Variants in ZNF695 observed in about 807,000 individuals in gnomAD.
The protein encoded by ZNF695 is zinc finger protein SBZF3.
ZNF695 carries 11 observed loss-of-function variants against 11.2 expected under a neutral mutation model. The ratio of observed to expected loss-of-function variants is 0.98; its 90% CI spans 0.62 to 1.62. The LOEUF (loss-of-function observed/expected upper bound fraction) is 1.62, where lower values mean the gene tolerates loss of function less well. Ranked by LOEUF, ZNF695 falls within the 40% of genes most tolerant of loss-of-function variation. The pLI, the probability that ZNF695 is intolerant of heterozygous loss-of-function variation, is 0.00. For synonymous variants in ZNF695, 190 were observed against 201.4 expected (o/e 0.94, Z 0.48); for missense variants, 559 against 590.5 (o/e 0.95, Z 0.55).
intron 5 of ZNF695, among the ~76,000 whole-genome samples, chr1:246,953,191 G>A (rs912292252): frequency 3.9e-5 from 6 of 152,078 alleles, no homozygotes; most frequent in Non-Finnish European, 5.9e-5. Context: ...AGATTCCAAC[G>A]TATTTAAATA....
intron 1 of ZNF695, 38 bp downstream of exon 1, chr1:247,007,868 C>G: frequency 2.0e-6 from 3 of 1,538,382 alleles, no homozygotes; most frequent in Admixed American, 3.7e-5. Context: ...CCAACCACCC[C>G]CTCTCCCTTC....
At chr1:246,969,704 C>T (rs146387515) in intron 4 of ZNF695, 2 of 152,352 alleles carry the variant, frequency 1.3e-5, no homozygotes, top group East Asian at 3.9e-4. Flanking sequence ...ATTTAGTCAG[C>T]TCAGGGTTCT....
At chr1:246,976,119 G>T (rs1263143200) in intron 4 of ZNF695, among the ~76,000 whole-genome samples, 2 of 152,110 alleles carry the variant, frequency 1.3e-5, no homozygotes, top group South Asian at 2.1e-4. Context: ...GCAGGGACAA[G>T]AACTTTATTG....
chr1:246,992,533 A>G (rs986047865), intron 3 of ZNF695, among the ~76,000 whole-genome samples: 6 of 152,206 alleles, frequency 3.9e-5, no homozygotes, highest in Admixed American at 3.9e-4. Context: ...TCAGCTGGAC[A>G]TTTTAAAATA....
intron 5 of ZNF695, chr1:246,966,930 T>A: frequency 2.3e-6 from 1 of 432,298 alleles, no homozygotes; most frequent in South Asian, 1.6e-5. Context: ...TATTAAATGT[T>A]ACTTTTTTTG....
At chr1:246,980,054 C>G in intron 4 of ZNF695, 2 of 151,542 alleles carry the variant, frequency 1.3e-5, no homozygotes, top group Non-Finnish European at 2.9e-5. Context: ...TGGCGGGCGC[C>G]TGTAGTCCCA....
intron 1 of ZNF695, among the ~76,000 whole-genome samples, chr1:247,000,394 AC>A (rs1255439377): frequency 6.6e-6 from 1 of 152,108 alleles, no homozygotes. Flanking sequence ...AGTCCCAGCT[AC>A]TTGGGAGGCT....
At chr1:246,967,282 A>C (rs548447140) in intron 5 of ZNF695, 80 of 444,808 alleles carry the variant, frequency 1.8e-4, no homozygotes, top group South Asian at 9.0e-4. Flanking sequence ...AAGCCACTGG[A>C]TTGAGAATAG....
chr1:247,006,384 G>A (rs1020165059), intron 1 of ZNF695, among the ~76,000 whole-genome samples: 13 of 152,096 alleles, frequency 8.5e-5, no homozygotes, highest in Non-Finnish European at 1.8e-4. Context: ...AGGCTGAGGC[G>A]GGCGGATCAC....
Position 246,985,922 on chromosome 1 carries a change from T to G in ZNF695, c.*1045A>C, listed in dbSNP as rs144833663. 4.1e-6 allele frequency: 4 copies of G among 985,290 alleles called. No homozygotes were observed. The African/African-American group carries it at 7.0e-5, about 17-fold the overall frequency. The allele number at this position is 985,290 out of a possible 1,614,324, so 61.0% of individuals were successfully genotyped here. ...AATATAGAAGAAACTCTCACAGCTT[T>G]CATGTAGCAACAGTAGGCCTCATGC... On this transcript the variant is annotated 3_prime_UTR_variant, in exon 4 of 4. Transcript: ENST00000339986.
At chr1:246,998,369 G>C (rs1278123092) in intron 3 of ZNF695, among the ~76,000 whole-genome samples, 1 of 152,190 alleles carries the variant, frequency 6.6e-6, no homozygotes, top group Non-Finnish European at 1.5e-5. Context: ...GATATGAGTA[G>C]ATATATTAAA....
At chr1:246,973,257 C>T (rs1668474781) in intron 4 of ZNF695, among the ~76,000 whole-genome samples, 1 of 152,082 alleles carries the variant, frequency 6.6e-6, no homozygotes, top group Non-Finnish European at 1.5e-5. Context: ...CCATGTCAGT[C>T]AGGCTGGTCT....
intron 5 of ZNF695, among the ~76,000 whole-genome samples, chr1:246,949,353 G>A (rs1345757064): frequency 1.3e-5 from 2 of 151,968 alleles, no homozygotes; most frequent in African/African-American, 2.4e-5. Context: ...CACTTTGGGC[G>A]GCCGAGGCAG....
chr1:246,985,861 T>C lies in ZNF695; in HGVS notation c.*1106A>G. ...GAAGCTTACAATGCAATGTCCATAATCTTCCAAAGAAAAGGATATGAACAA... is the reference window on the plus strand; with the variant it reads ...GAAGCTTACAATGCAATGTCCATAACCTTCCAAAGAAAAGGATATGAACAA... On this transcript the variant is annotated 3_prime_UTR_variant, in exon 4 of 4. Transcript: ENST00000339986. 5.1e-6 allele frequency: 5 copies of C among 985,358 alleles called. No individual in the cohort carries two copies. Among genetic ancestry groups the C allele is most frequent in the Non-Finnish European group, 6.0e-6 (5 of 829,924 alleles). 61.0% of individuals were successfully genotyped at this position (985,358 alleles called of 1,614,324 possible).
Position 246,987,955 on chromosome 1 carries a change from T to C in ZNF695, c.560A>G (p.Lys187Arg), listed in dbSNP as rs200599470. The C allele has an allele frequency of 2.3e-4, 375 of 1,610,234 alleles. 1 individual carries two copies. The highest frequency in any genetic ancestry group is 3.3e-4 in the Middle Eastern group (2 of 6,062). ...SHTGEKPFKC[K>R]ECGNVSCMSL... ...CATGCAAGAGACATTGCCACATTCT[T>C]TGCATTTGAATGGTTTTTCTCCAGT... Residue 187 changes from lysine to arginine, a missense_variant, in exon 4 of 4, where the codon AAA (lysine) becomes AGA (arginine). By Grantham distance (26) the Lys-to-Arg change is conservative. Transcript: ENST00000339986.
chr1:246,992,916 C>T (rs1874200), intron 3 of ZNF695, among the ~76,000 whole-genome samples: 87,921 of 151,948 alleles, frequency 0.58, 27,478 homozygotes, highest in East Asian at 0.98. Flanking sequence ...CTTTTGGGGG[C>T]TTGAAAAAGA....
At position 246,986,625 on chromosome 1, in the gene ZNF695, T is replaced by A; in HGVS notation, c.*342A>T. The A allele has an allele frequency of 9.8e-7, 1 of 1,019,610 alleles. No individual in the cohort carries two copies. Among genetic ancestry groups the A allele is most frequent in the Non-Finnish European group, 1.2e-6 (1 of 852,594 alleles). 63.2% of individuals were successfully genotyped at this position (1,019,610 alleles called of 1,614,324 possible). On this transcript the variant is annotated 3_prime_UTR_variant, in exon 4 of 4. Transcript: ENST00000339986. ...CACTCTGGTGTTTTCTGAGGTATAT[T>A]TTTTGAACAAATGTTGTTTCTGCAT...
chr1:246,952,553 T>C (rs1212899701), intron 5 of ZNF695, among the ~76,000 whole-genome samples: 1 of 150,218 alleles, frequency 6.7e-6, no homozygotes, highest in African/African-American at 2.4e-5. Flanking sequence ...CTTCTTCTTT[T>C]TTTTTTTTTT....
At chr1:246,968,153 C>A (rs1173025391) in intron 4 of ZNF695, 1 of 152,332 alleles carries the variant, frequency 6.6e-6, no homozygotes, top group African/African-American at 2.4e-5. Context: ...TGCCTATGAG[C>A]CTGTAAAATC....
Sources: allele counts gnomAD v4.1 joint callset (sites outside exome capture counted in the v4.1 genomes callset), GRCh38; gene constraint gnomAD v4.1.1; transcripts MANE v1.5; gene names NCBI Gene and HGNC (gene_info 2026-07-23, HGNC 2026-07-21).